The following IL5RA variants were observed in gnomAD, a reference collection of about 807,000 sequenced individuals.
IL5RA encodes the protein interleukin 5 receptor subunit alpha.
Under a neutral mutation model 50.0 loss-of-function variants are expected in IL5RA, and 49 were observed. The observed-to-expected ratio is 0.98, with a 90% CI of 0.78 to 1.24. The LOEUF (loss-of-function observed/expected upper bound fraction) is 1.24. IL5RA is among the 50% of genes most tolerant of loss of function. The probability of loss-of-function intolerance (pLI) is 0.00; values close to 1 mark genes in which losing one functional copy is unlikely to be tolerated. For synonymous variants in IL5RA, 202 were observed against 174.0 expected (o/e 1.16, Z -1.26); for missense variants, 600 against 500.4 (o/e 1.20, Z -1.90).
rs563507599 is a variant in IL5RA, at chr3:3,080,102, T to G, written c.995-3475A>C. Among the ~76,000 whole-genome samples, 6 of 152,256 alleles carry G rather than the reference T, an allele frequency of 3.9e-5. No individual in the cohort carries two copies. In the South Asian group the frequency reaches 1.2e-3, roughly 32 times the overall value. On this transcript the variant is annotated intron_variant, in intron 9 of 11. Transcript: ENST00000446632. ...GCTGGAACTTTAAAAGTTTATAAAG[T>G]ATAAAAAAGAAAAAAGAAAAATCAG...
chr3:3,102,396 C>T (rs1017312763), intron 4 of IL5RA, among the ~76,000 whole-genome samples: 1 of 152,192 alleles, frequency 6.6e-6, no homozygotes. Context: ...AACAGAAAAC[C>T]AGTACCCAAT....
intron 10 of IL5RA, among the ~76,000 whole-genome samples, chr3:3,075,639 C>T (rs1195703542): frequency 1.3e-5 from 2 of 149,770 alleles, no homozygotes; most frequent in Admixed American, 6.6e-5. Flanking sequence ...CTCACTCTGT[C>T]CCCCAGGCTG....
chr3:3,096,238 A>G (rs1703359402), intron 7 of IL5RA, among the ~76,000 whole-genome samples: 1 of 151,512 alleles, frequency 6.6e-6, no homozygotes, highest in East Asian at 1.9e-4. Context: ...AGATCGCGCC[A>G]CTGCACTCCA....
chr3:3,080,493 T>C lies in IL5RA; in HGVS notation c.995-3866A>G, dbSNP rs542226894. On this transcript the variant is annotated intron_variant, in intron 9 of 11. Coordinates refer to ENST00000446632, the MANE Select transcript of IL5RA (RefSeq NM_175726.4). ...TTAAGCATTGCTTTTCATTGAGAAC[T>C]CTCCTGAGCATGATCCCTATAGCTC... Among the ~76,000 whole-genome samples the C allele has an allele frequency of 3.9e-5, 6 of 152,294 alleles. No individual in the cohort carries two copies. The South Asian group carries it at 8.3e-4, about 21-fold the overall frequency.
Position 3,092,014 on chromosome 3 carries a change from G to C in IL5RA, c.994+210C>G, listed in dbSNP as rs533915782. On this transcript the variant is annotated intron_variant, in intron 9 of 11. Coordinates refer to ENST00000446632, the MANE Select transcript of IL5RA (RefSeq NM_175726.4). This position sits in a 1 kb window ranked among gnomAD's most constrained non-coding sequence, Gnocchi z 4.2. ...AACAGGCACCAGGTCTAGGAGAGTT[G>C]GCGCTAATGAGAAGCCTAGACACTT... 5 of 1,274,234 alleles carry C rather than the reference G, an allele frequency of 3.9e-6. No homozygotes were observed. In the East Asian group the frequency reaches 1.5e-4, roughly 39 times the overall value. The allele number at this position is 1,274,234 out of a possible 1,614,324, so 78.9% of individuals were successfully genotyped here. A position where few individuals can be genotyped will look rare whatever the true frequency, so the allele number is the denominator to read the frequency against.
At chr3:3,089,918 A>G (rs1703019967) in intron 9 of IL5RA, 1 of 262,208 alleles carries the variant, frequency 3.8e-6, no homozygotes, top group Non-Finnish European at 7.2e-6. Flanking sequence ...CATCCCCAAG[A>G]TCTCTTAAAT....
At chr3:3,095,724 C>G (rs778466161) in intron 7 of IL5RA, among the ~76,000 whole-genome samples, 1 of 151,796 alleles carries the variant, frequency 6.6e-6, no homozygotes, top group African/African-American at 2.4e-5. Flanking sequence ...CCCCCCTCAG[C>G]TCATTGCAAG....
At chr3:3,089,863 T>A (rs1574991433) in intron 9 of IL5RA, 1 of 176,822 alleles carries the variant, frequency 5.7e-6, no homozygotes, top group South Asian at 1.3e-4. Context: ...TCTGCCCACC[T>A]CGGCCTCCCA....
rs370464883 is a variant in IL5RA at position 3,105,011 on chromosome 3, A to G, written c.-3-24T>C. ...TCCTACAGAAAACAAGGGAGATACCAAAATCATCTTGTTGCTATTTTTAAG... is the reference window on the plus strand; with the variant it reads ...TCCTACAGAAAACAAGGGAGATACCGAAATCATCTTGTTGCTATTTTTAAG... On this transcript the variant is annotated intron_variant, in intron 2 of 11. Transcript: ENST00000446632. The G allele has an allele frequency of 1.5e-4, 217 of 1,454,714 alleles. No individual in the cohort carries two copies. In the East Asian group the frequency reaches 2.8e-3, roughly 19 times the overall value. 90.1% of individuals were successfully genotyped at this position (1,454,714 alleles called of 1,614,324 possible).
chr3:3,087,124 AT>A (rs1294408560), intron 9 of IL5RA, among the ~76,000 whole-genome samples: 1 of 152,174 alleles, frequency 6.6e-6, no homozygotes, highest in Non-Finnish European at 1.5e-5. Flanking sequence ...GATGTAAACT[AT>A]TTAGCTGATG....
chr3:3,079,524 T>C (rs1280938087), intron 9 of IL5RA, among the ~76,000 whole-genome samples: 1 of 152,204 alleles, frequency 6.6e-6, no homozygotes, highest in Non-Finnish European at 1.5e-5. Flanking sequence ...TGTCCAGTGC[T>C]TTCATCCCTG....
At chr3:3,105,029 T>C in intron 2 of IL5RA, 42 bp from the exon 3 acceptor site, 1 of 1,332,546 alleles carries the variant, frequency 7.5e-7, no homozygotes, top group Non-Finnish European at 1.1e-6. Flanking sequence ...CTTGTTGCTA[T>C]TTTTAAGAAA....
At chr3:3,095,484 A>T (rs1703317731) in intron 7 of IL5RA, 40 bp from the exon 8 acceptor site, 1 of 1,341,802 alleles carries the variant, frequency 7.5e-7, no homozygotes, top group African/African-American at 1.5e-5. Flanking sequence ...TTTTTTTTAG[A>T]ATCAGTGATC....
In IL5RA at chr3:3,110,220, A is replaced by G. The variant is rs935125999; in HGVS notation, c.-421T>C. On this transcript the variant is annotated 5_prime_UTR_variant, in exon 1 of 12. Coordinates refer to ENST00000446632, the MANE Select transcript of IL5RA (RefSeq NM_175726.4). ...TGTCAAACGAAAGAATCTCTCGTCC[A>G]GATAGCCATTATCTGATAACTGTCT... 6.6e-6 allele frequency: 1 copy of G among 152,276 alleles called. No individual in the cohort carries two copies. 9.4% of individuals were successfully genotyped at this position (152,276 alleles called of 1,614,324 possible). A position where few individuals can be genotyped will look rare whatever the true frequency, so the allele number is the denominator to read the frequency against.
intron 2 of IL5RA, among the ~76,000 whole-genome samples, chr3:3,107,146 T>G (rs1300242569): frequency 1.3e-5 from 2 of 152,182 alleles, no homozygotes; most frequent in Non-Finnish European, 2.9e-5. Flanking sequence ...AGCTTTTTCA[T>G]GTCTCATTGT....
At chr3:3,109,413 T>C (rs1451177449) in intron 1 of IL5RA, among the ~76,000 whole-genome samples, 1 of 152,234 alleles carries the variant, frequency 6.6e-6, no homozygotes, top group Non-Finnish European at 1.5e-5. Flanking sequence ...CTCTGAAACT[T>C]CCTGAGATAT....
intron 9 of IL5RA, among the ~76,000 whole-genome samples, chr3:3,090,721 C>T (rs1703058728): frequency 6.6e-6 from 1 of 151,872 alleles, no homozygotes; most frequent in Non-Finnish European, 1.5e-5. Context: ...CGCCCGCCAC[C>T]ACGCCCGGCT....
At chr3:3,082,065 A>G (rs1702684369) in intron 9 of IL5RA, among the ~76,000 whole-genome samples, 1 of 120,504 alleles carries the variant, frequency 8.3e-6, no homozygotes, top group South Asian at 2.5e-4. Context: ...TCAGTTACTT[A>G]TTTATGCAAA....
intron 9 of IL5RA, among the ~76,000 whole-genome samples, chr3:3,079,604 C>T (rs1702596007): frequency 6.6e-6 from 1 of 152,202 alleles, no homozygotes; most frequent in Non-Finnish European, 1.5e-5. Context: ...TCGGTTTCCT[C>T]ATCTAAACAC....
Sources: gnomAD v4.1 joint callset for allele counts (sites outside exome capture counted in the v4.1 genomes callset) on GRCh38, gnomAD v4.1.1 for gene constraint, Gnocchi (gnomAD v3.1) non-coding constraint, MANE v1.5 for transcripts, NCBI Gene and HGNC (gene_info 2026-07-23, HGNC 2026-07-21) for gene names.